RAPGEF3: variants seen among roughly 807,000 people sequenced by gnomAD.
The protein encoded by RAPGEF3 is 9330170P05Rik.
RAPGEF3 carries 103 observed loss-of-function variants against 129.8 expected under a neutral mutation model. That is an observed-to-expected ratio of 0.79 (90% CI 0.68 to 0.93). The LOEUF (loss-of-function observed/expected upper bound fraction) is 0.93. Ranked by LOEUF, RAPGEF3 falls within the 40% of genes least tolerant of loss-of-function variation. RAPGEF3 has a pLI of 0.00. For missense variants in RAPGEF3, 1,117 were observed against 1,207.4 expected (o/e 0.93, Z 1.11); for synonymous variants, 436 against 482.6 (o/e 0.90, Z 1.26).
In RAPGEF3 at chr12:47,738,251, C is replaced by A; in HGVS notation, c.2527-4G>T. 1 of 1,613,066 alleles carries A rather than the reference C, an allele frequency of 6.2e-7. No homozygotes were observed. Among genetic ancestry groups the A allele is most frequent in the Non-Finnish European group, 8.5e-7 (1 of 1,179,934 alleles). Reference sequence around the variant, plus strand: ...GCGCGGCTCTGGCCATCATTCTCTGCGGACAACACCGGGGCATAAGCTCTT... The same window carrying A: ...GCGCGGCTCTGGCCATCATTCTCTGAGGACAACACCGGGGCATAAGCTCTT... On this transcript the variant is annotated splice_polypyrimidine_tract_variant and splice_region_variant and intron_variant, in intron 25 of 27. Coordinates refer to ENST00000449771, the MANE Select transcript of RAPGEF3 (RefSeq NM_001098531.4).
chr12:47,753,774 A>G (rs1281708507), intron 2 of RAPGEF3: 1 of 152,258 alleles, frequency 6.6e-6, no homozygotes, highest in African/African-American at 2.4e-5. Flanking sequence ...CCCAACTCCC[A>G]TTGGAGCCCA....
intron 13 of RAPGEF3, 49 bp downstream of exon 13, chr12:47,748,025 G>A (rs375712978): frequency 1.0e-4 from 154 of 1,544,720 alleles, no homozygotes; most frequent in African/African-American, 9.4e-4. Context: ...TCAACCCCAC[G>A]CACCATCCTA....
chr12:47,737,876 G>T, intron 27 of RAPGEF3, 146 bp downstream of exon 27: 1 of 1,221,760 alleles, frequency 8.2e-7, no homozygotes. Context: ...CCCTGGCTCA[G>T]AGCACAGAGG....
At chr12:47,757,226 A>G (rs1376657236) in intron 2 of RAPGEF3, among the ~76,000 whole-genome samples, 1 of 152,158 alleles carries the variant, frequency 6.6e-6, no homozygotes, top group Non-Finnish European at 1.5e-5. Flanking sequence ...TAGTACAGCC[A>G]TTATCTTGCC....
intron 19 of RAPGEF3, 117 bp downstream of exon 19, chr12:47,741,388 A>T: frequency 1.0e-6 from 1 of 988,158 alleles, no homozygotes; most frequent in Non-Finnish European, 1.6e-6. Context: ...AGGACCCAGC[A>T]GCAGCCAGAG....
chr12:47,738,593 A>G, intron 25 of RAPGEF3, 97 bp downstream of exon 25: 1 of 1,073,056 alleles, frequency 9.3e-7, no homozygotes, highest in Admixed American at 1.7e-5. Context: ...ATTATTCATA[A>G]CAAGTTTAAG....
rs111415698 is a variant in RAPGEF3 at position 47,738,011 on chromosome 12, C to T, written c.2653+11G>A. 3,232 of 1,613,416 alleles carry T rather than the reference C, an allele frequency of 2.0e-3. 75 individuals carry two copies. In the South Asian group the frequency reaches 0.032, roughly 16 times the overall value. ...CCCCTCCCTGCCCACCCACCATCGC[C>T]CACCACTTACATGTGGAAATCCTCG... is the stretch of plus-strand genomic sequence containing the variant. On this transcript the variant is annotated intron_variant, in intron 27 of 27. Coordinates refer to ENST00000449771, the MANE Select transcript of RAPGEF3 (RefSeq NM_001098531.4).
rs968358352 is a variant in RAPGEF3 at position 47,750,489 on chromosome 12, C to T, written c.672-64G>A. ...TGGGCCCGTCAGGTGCAGGGAGCCACTCCACCCACCCAGCCGATGCCTGTG... is the reference window on the plus strand; with the variant it reads ...TGGGCCCGTCAGGTGCAGGGAGCCATTCCACCCACCCAGCCGATGCCTGTG... On this transcript the variant is annotated intron_variant, in intron 6 of 27. Coordinates refer to ENST00000449771, the MANE Select transcript of RAPGEF3 (RefSeq NM_001098531.4). 2.2e-5 allele frequency: 31 copies of T among 1,434,738 alleles called. No individual in the cohort carries two copies. The Admixed American group carries it at 5.1e-4, about 24-fold the overall frequency. 88.9% of individuals were successfully genotyped at this position (1,434,738 alleles called of 1,614,324 possible). A position where few individuals can be genotyped will look rare whatever the true frequency, so the allele number is the denominator to read the frequency against.
chr12:47,747,868 C>A lies in RAPGEF3; in HGVS notation c.1323-6G>T. 1 of 1,601,896 alleles carries A rather than the reference C, an allele frequency of 6.2e-7. No individual in the cohort carries two copies. ...CCGCAGGCTCCACATGGAAGGTGGG[C>A]ACCAGTCAAGGGAACCACAACATCC... On this transcript the variant is annotated splice_polypyrimidine_tract_variant and splice_region_variant and intron_variant, in intron 13 of 27. Transcript: ENST00000449771.
rs146182532 is a variant in RAPGEF3, at chr12:47,752,259, G to A, written c.220-290C>T. 1.2e-3 allele frequency among the ~76,000 whole-genome samples: 185 copies of A among 152,314 alleles called. 3 individuals carry two copies. The highest frequency in any genetic ancestry group is 4.3e-3 in the African/African-American group (177 of 41,552). ...TTACTCAGGGCCCAGGTGTGCCCATGCCCCCAGGTGAACTGCCCCTGTTGG... is the reference window on the plus strand; with the variant it reads ...TTACTCAGGGCCCAGGTGTGCCCATACCCCCAGGTGAACTGCCCCTGTTGG... On this transcript the variant is annotated intron_variant, in intron 2 of 27. Coordinates refer to ENST00000449771, the MANE Select transcript of RAPGEF3 (RefSeq NM_001098531.4).
rs748268122 is a variant in RAPGEF3 at position 47,749,519 on chromosome 12, C to T, written c.912G>A (p.Leu304=). ...GCTGTCCAAAATCATCTCCCTCATG[C>T]AGGGTGGTCACCAGCCCCTGCAGCC... ...VTHGKGLVTT[L]HEGDDFGQLA... The change falls in exon 10 of 28, where the codon CTG becomes CTA. Residue 304 remains leucine, a synonymous_variant. Coordinates refer to ENST00000449771, the MANE Select transcript of RAPGEF3 (RefSeq NM_001098531.4). This position sits in a 1 kb window ranked among gnomAD's most constrained non-coding sequence, Gnocchi z 4.5. The T allele has an allele frequency of 1.2e-6, 2 of 1,610,716 alleles. No individual in the cohort carries two copies. The highest frequency in any genetic ancestry group is 8.5e-7 in the Non-Finnish European group (1 of 1,179,970).
chr12:47,747,647 C>G (rs751165593), intron 14 of RAPGEF3, 21 bp from the exon 15 acceptor site: 1 of 1,613,350 alleles, frequency 6.2e-7, no homozygotes, highest in Non-Finnish European at 8.5e-7. Flanking sequence ...CCAAGATTCA[C>G]TGAGATGGCT....
intron 16 of RAPGEF3, chr12:47,746,525 G>A (rs1165065368): frequency 9.4e-6 from 6 of 640,552 alleles, no homozygotes; most frequent in Non-Finnish European, 1.7e-5. Context: ...TGGCCACCAG[G>A]AGCCCCGTGG....
intron 23 of RAPGEF3, 37 bp from the exon 24 acceptor site, chr12:47,739,267 C>T (rs927733981): frequency 2.7e-6 from 4 of 1,505,548 alleles, no homozygotes; most frequent in Non-Finnish European, 2.8e-6. Flanking sequence ...GTTGCACACA[C>T]CATAAGCCAC....
Position 47,758,690 on chromosome 12 carries a change from T to G in RAPGEF3, c.-134A>C. ...GTCCAGGTACAGTGAACTGGGCCAG[T>G]GCCTAGCTGGACTGGCTGCCAGGGC... On this transcript the variant is annotated 5_prime_UTR_variant, in exon 1 of 28. Coordinates refer to ENST00000449771, the MANE Select transcript of RAPGEF3 (RefSeq NM_001098531.4). 5 of 1,371,572 alleles carry G rather than the reference T, an allele frequency of 3.6e-6. No individual in the cohort carries two copies. Among genetic ancestry groups the G allele is most frequent in the East Asian group, 3.1e-5 (1 of 32,256 alleles). 85.0% of individuals were successfully genotyped at this position (1,371,572 alleles called of 1,614,324 possible). A position where few individuals can be genotyped will look rare whatever the true frequency, so the allele number is the denominator to read the frequency against.
At chr12:47,746,542 G>C (rs1941426416) in intron 16 of RAPGEF3, 1 of 658,136 alleles carries the variant, frequency 1.5e-6, no homozygotes, top group Non-Finnish European at 2.7e-6. Flanking sequence ...GTGGGCCTCA[G>C]GGGCCAACTC....
chr12:47,744,149 G>A, intron 16 of RAPGEF3, 81 bp from the exon 17 acceptor site: 2 of 1,184,342 alleles, frequency 1.7e-6, no homozygotes, highest in Non-Finnish European at 1.2e-6. Flanking sequence ...AGGTCCCTGT[G>A]TCACCAGGAG....
At position 47,739,198 on chromosome 12, in the gene RAPGEF3, C is replaced by T. The variant is rs1401850549; in HGVS notation, c.2406G>A (p.Leu802=). Residue 802 remains leucine, a synonymous_variant, in exon 24 of 28, where the codon CTG becomes CTA. Coordinates refer to ENST00000449771, the MANE Select transcript of RAPGEF3 (RefSeq NM_001098531.4). ...DPSWNHRVYR[L]ALAKLSPPVI... ...CAGGAGGGGAGAGCTTGGCGAGGGC[C>T]AGTCGGTATACCCGGTGGTTCCATG... 2 of 1,611,590 alleles carry T rather than the reference C, an allele frequency of 1.2e-6. No individual in the cohort carries two copies. The highest frequency in any genetic ancestry group is 1.7e-6 in the Non-Finnish European group (2 of 1,178,714).
rs191189904 is a variant in RAPGEF3, at chr12:47,737,797, C to T, written c.2654-112G>A. The T allele has an allele frequency of 3.2e-4, 363 of 1,139,960 alleles. No homozygotes were observed. The African/African-American group carries it at 5.0e-3, about 16-fold the overall frequency. 70.6% of individuals were successfully genotyped at this position (1,139,960 alleles called of 1,614,324 possible). A position where few individuals can be genotyped will look rare whatever the true frequency, so the allele number is the denominator to read the frequency against. On this transcript the variant is annotated intron_variant, in intron 27 of 27. Coordinates refer to ENST00000449771, the MANE Select transcript of RAPGEF3 (RefSeq NM_001098531.4). ...TTCTTGCCCTCCACCACCCACCAAC[C>T]ACTTCCCATCACCAATTCCTAAAGA...
Sources: allele counts gnomAD v4.1 joint callset (sites outside exome capture counted in the v4.1 genomes callset), GRCh38; gene constraint gnomAD v4.1.1; non-coding constraint Gnocchi (gnomAD v3.1); transcripts MANE v1.5; gene names NCBI Gene and HGNC (gene_info 2026-07-23, HGNC 2026-07-21).